Variants in ICE2 observed in about 807,000 individuals in gnomAD.
The protein encoded by ICE2 is little elongation complex subunit 2.
A neutral mutation model predicts 105.4 loss-of-function variants in ICE2; 87 were observed. That is an observed-to-expected ratio of 0.83 (90% CI 0.69 to 0.99). The LOEUF (loss-of-function observed/expected upper bound fraction) is 0.99. ICE2 is among the 50% of genes least tolerant of loss of function. The pLI, the probability that ICE2 is intolerant of heterozygous loss-of-function variation, is 0.00. For synonymous variants in ICE2, 399 were observed against 392.0 expected (o/e 1.02, Z -0.21); for missense variants, 1,323 against 1,146.7 (o/e 1.15, Z -2.22).
At chr15:60,428,244 G>C (rs1373313377) in intron 15 of ICE2, among the ~76,000 whole-genome samples, 185 bp downstream of exon 15, 1 of 152,092 alleles carries the variant, frequency 6.6e-6, no homozygotes, top group Admixed American at 6.5e-5. Flanking sequence ...AAATAAAAAA[G>C]TTCCACTACC....
Position 60,423,752 on chromosome 15 carries a change from G to C in ICE2, c.2831C>G (p.Thr944Arg). The change falls in exon 16 of 16, where the codon ACG becomes AGG. Residue 944 changes from threonine (T) to arginine (R), a missense_variant. Thr to Arg is a moderately conservative substitution (Grantham distance 71). Transcript: ENST00000261520. Reference protein sequence around the residue: ...DTTTQQKIGGTRMPTRSHRNP... With the variant: ...DTTTQQKIGGRRMPTRSHRNP... Reference sequence around the variant, plus strand: ...CCTGTGGCTGCGTGTAGGCATTCTCGTTCCACCAATCTAAGAGATGAAGCA... The same window carrying C: ...CCTGTGGCTGCGTGTAGGCATTCTCCTTCCACCAATCTAAGAGATGAAGCA... 1.9e-6 allele frequency: 3 copies of C among 1,589,888 alleles called. No individual in the cohort carries two copies. The highest frequency in any genetic ancestry group is 2.6e-6 in the Non-Finnish European group (3 of 1,171,942).
chr15:60,449,209 AT>A lies in ICE2; in HGVS notation c.1757del (p.Asn586IlefsTer14). The A allele has an allele frequency of 6.2e-7, 1 of 1,613,980 alleles. No individual in the cohort carries two copies. The highest frequency in any genetic ancestry group is 8.5e-7 in the Non-Finnish European group (1 of 1,179,974). On this transcript the variant is annotated frameshift_variant, in exon 10 of 16. Transcript: ENST00000261520. LOFTEE classifies it high-confidence loss of function. ...CAACAGCTGTCTTTCCATCACTATT[AT>A]TTTTACATTCTGTATCAATGATTAA... ...ECLIIDTECK[N>X]NSDGKTAVVG...
chr15:60,432,682 G>A (rs1432514708), intron 13 of ICE2, among the ~76,000 whole-genome samples: 4 of 151,956 alleles, frequency 2.6e-5, no homozygotes, highest in Non-Finnish European at 4.4e-5. Flanking sequence ...CACAAGGTCA[G>A]GAGATGGAGA....
In ICE2 at chr15:60,439,790, T is replaced by C. The variant is rs186105791; in HGVS notation, c.2425+2626A>G. On this transcript the variant is annotated intron_variant, in intron 12 of 15. Transcript: ENST00000261520. ...TCATGAAATTATCTTCAGGATTTGT[T>C]TACTGTAAAATCTTATGCCAGTGTC... is the stretch of plus-strand genomic sequence containing the variant. 49 of 152,360 alleles carry C rather than the reference T, an allele frequency of 3.2e-4. 1 individual carries two copies. The highest frequency in any genetic ancestry group is 2.8e-3 in the Admixed American group (43 of 15,302). 9.4% of individuals were successfully genotyped at this position (152,360 alleles called of 1,614,324 possible). A position where few individuals can be genotyped will look rare whatever the true frequency, so the allele number is the denominator to read the frequency against.
chr15:60,451,685 G>A (rs2063969667), intron 9 of ICE2: 1 of 862,214 alleles, frequency 1.2e-6, no homozygotes, highest in African/African-American at 1.8e-5. Context: ...TGTCATTTCA[G>A]AGAAAGCTCA....
At chr15:60,437,259 A>G (rs199582528) in intron 12 of ICE2, among the ~76,000 whole-genome samples, 1 of 151,434 alleles carries the variant, frequency 6.6e-6, no homozygotes, top group African/African-American at 2.4e-5. Flanking sequence ...CGTCTCAAAA[A>G]ATATATATAT....
chr15:60,441,269 A>G (rs1035151572), intron 12 of ICE2: 3 of 152,232 alleles, frequency 2.0e-5, no homozygotes, highest in African/African-American at 7.2e-5. Context: ...ATCACCAATT[A>G]GTGCATTTAG....
intron 12 of ICE2, among the ~76,000 whole-genome samples, chr15:60,436,508 TA>T (rs2063591198): frequency 6.6e-6 from 1 of 151,896 alleles, no homozygotes; most frequent in African/African-American, 2.4e-5. Context: ...GCCTACAATT[TA>T]TGAACAACAA....
intron 13 of ICE2, among the ~76,000 whole-genome samples, 179 bp from the exon 14 acceptor site, chr15:60,432,163 T>C (rs2063474728): frequency 1.3e-5 from 2 of 150,026 alleles, no homozygotes; most frequent in African/African-American, 2.5e-5. Flanking sequence ...ATTTACTTAA[T>C]TTTTTAAAAA....
At chr15:60,429,458 T>C (rs1386366685) in intron 14 of ICE2, among the ~76,000 whole-genome samples, 1 of 152,196 alleles carries the variant, frequency 6.6e-6, no homozygotes, top group Non-Finnish European at 1.5e-5. Flanking sequence ...ACAAACTATG[T>C]TGAACATCAA....
intron 5 of ICE2, among the ~76,000 whole-genome samples, chr15:60,465,410 C>G (rs1445254131): frequency 6.6e-6 from 1 of 152,132 alleles, no homozygotes; most frequent in Admixed American, 6.6e-5. Flanking sequence ...AGGTTAGTTT[C>G]AAATTACTGG....
rs1386805414 is a variant in ICE2 at position 60,423,511 on chromosome 15, A to C, written c.*123T>G. On this transcript the variant is annotated 3_prime_UTR_variant, in exon 16 of 16. Transcript: ENST00000261520. ...CTTCACATAGCCAACACATTTTTTC[A>C]AGGCACTCTAGCTACTACAGGAAAA... The C allele has an allele frequency of 2.4e-6, 2 of 816,434 alleles. No homozygotes were observed. The highest frequency in any genetic ancestry group is 3.6e-6 in the Non-Finnish European group (2 of 551,848). The allele number at this position is 816,434 out of a possible 1,614,324, so 50.6% of individuals were successfully genotyped here.
rs549201376 is a variant in ICE2, at chr15:60,435,067, G to C, written c.2510+1076C>G. 1.5e-4 allele frequency among the ~76,000 whole-genome samples: 23 copies of C among 151,942 alleles called. No homozygotes were observed. In the South Asian group the frequency reaches 4.6e-3, roughly 30 times the overall value. ...GGAGGCCGAGGCGGGTGGATCACGA[G>C]GTCAGGAGATGAGACCATCCTGGCT... is the stretch of plus-strand genomic sequence containing the variant. On this transcript the variant is annotated intron_variant, in intron 13 of 15. Coordinates refer to ENST00000261520, the MANE Select transcript of ICE2 (RefSeq NM_024611.6).
In ICE2 at chr15:60,428,557, C is replaced by T. The variant is rs1392852006; in HGVS notation, c.2692G>A (p.Val898Ile). 2.5e-6 allele frequency: 4 copies of T among 1,614,046 alleles called. No homozygotes were observed. The highest frequency in any genetic ancestry group is 2.2e-5 in the East Asian group (1 of 44,880). Residue 898 changes from valine to isoleucine, a missense_variant, in exon 15 of 16, where the codon GTA becomes ATA. Val to Ile is a conservative substitution (Grantham distance 29, BLOSUM62 3). Transcript: ENST00000261520. ...LYKTHCGLPG[V>I]PSSLSVPWVP... ...CAGGGAACTGAGAGACTGGAAGGTA[C>T]ACCAGGAAGGCCGCAATGTGTTTTA...
chr15:60,451,245 T>C lies in ICE2; in HGVS notation c.1126-1404A>G, dbSNP rs183084330. The C allele has an allele frequency of 1.1e-4, 70 of 609,564 alleles. No homozygotes were observed. The East Asian group carries it at 8.0e-3, about 70-fold the overall frequency. The allele number at this position is 609,564 out of a possible 1,614,324, so 37.8% of individuals were successfully genotyped here. A position where few individuals can be genotyped will look rare whatever the true frequency, so the allele number is the denominator to read the frequency against. The stretch of plus-strand genomic sequence containing the variant: ...AATAATAATAAACGATGAGAATATA[T>C]ATGAAAGATTGAAAATACATATATA... On this transcript the variant is annotated intron_variant, in intron 9 of 15. Transcript: ENST00000261520.
rs200990587 is a variant in ICE2, at chr15:60,455,121, T to C, written c.825A>G (p.Arg275=). The C allele has an allele frequency of 6.3e-6, 10 of 1,589,686 alleles. No individual in the cohort carries two copies. In the East Asian group the frequency reaches 1.6e-4, roughly 25 times the overall value. Residue 275 remains arginine (R), a synonymous_variant, in exon 8 of 16, where the codon AGA becomes AGG. Coordinates refer to ENST00000261520, the MANE Select transcript of ICE2 (RefSeq NM_024611.6). ...KDPNAEKLVS[R]YHPQIALTSQ... ...TAGTTAGAGCTATCTGAGGGTGATA[T>C]CTGGAAACAAGCTTCTCTGCATTTG...
chr15:60,432,968 T>C (rs1236542557), intron 13 of ICE2, among the ~76,000 whole-genome samples: 1 of 151,826 alleles, frequency 6.6e-6, no homozygotes, highest in African/African-American at 2.4e-5. Context: ...TGCCGAAGAG[T>C]TTGTCTTTCA....
intron 5 of ICE2, among the ~76,000 whole-genome samples, chr15:60,458,774 C>A (rs2064195689): frequency 6.6e-6 from 1 of 151,946 alleles, no homozygotes; most frequent in African/African-American, 2.4e-5. Context: ...TATTAATCAG[C>A]CTTAAAAAGG....
chr15:60,436,740 A>G (rs1027976264), intron 12 of ICE2, among the ~76,000 whole-genome samples: 3 of 142,612 alleles, frequency 2.1e-5, no homozygotes, highest in African/African-American at 5.1e-5. Context: ...AAAAAAAAAA[A>G]GAAAGTTACA....
Sources: allele counts gnomAD v4.1 joint callset (sites outside exome capture counted in the v4.1 genomes callset), GRCh38; gene constraint gnomAD v4.1.1; transcripts MANE v1.5; gene names NCBI Gene and HGNC (gene_info 2026-07-23, HGNC 2026-07-21).